ALS2: variants seen among roughly 807,000 people sequenced by gnomAD.
ALS2 encodes the protein alsin Rho guanine nucleotide exchange factor ALS2, also known as alsin.
In ALS2, 117 loss-of-function variants were observed where a neutral mutation model predicts 203.4. The observed-to-expected ratio is 0.58, with a 90% confidence interval of 0.50 to 0.67. The LOEUF is 0.67. ALS2 is among the 30% of genes least tolerant of loss of function. ALS2 has a pLI of 0.00. For synonymous variants in ALS2, 718 were observed against 725.9 expected (o/e 0.99, Z 0.17); for missense variants, 1,715 against 1,989.4 (o/e 0.86, Z 2.62).
chr2:201,746,840 T>C (rs777304487), intron 8 of ALS2, 92 bp from the exon 9 acceptor site: 75 of 1,442,768 alleles, frequency 5.2e-5, no homozygotes, highest in Non-Finnish European at 7.2e-5. Context: ...GTTGCTTAAA[T>C]AAGCGTGGTG....
At chr2:201,704,635 T>C (rs778530412) in intron 31 of ALS2, 32 bp from the exon 32 acceptor site, 2 of 1,613,536 alleles carry the variant, frequency 1.2e-6, no homozygotes, top group Non-Finnish European at 1.7e-6. Context: ...AAAGACATCC[T>C]ATAATTTTCT....
chr2:201,766,516 G>T (rs1694085422), intron 3 of ALS2, among the ~76,000 whole-genome samples: 1 of 151,702 alleles, frequency 6.6e-6, no homozygotes, highest in African/African-American at 2.4e-5. Flanking sequence ...GGGCATGGTG[G>T]TGAGCACCTG....
At chr2:201,720,059 C>T (rs958786388) in intron 23 of ALS2, 23 of 384,694 alleles carry the variant, frequency 6.0e-5, no homozygotes, top group Non-Finnish European at 1.1e-4. Flanking sequence ...AATACCAAAG[C>T]TTCGCAAACT....
Position 201,733,429 on chromosome 2 carries a change from T to C in ALS2, c.2427A>G (p.Leu809=). 3 of 1,613,554 alleles carry C rather than the reference T, an allele frequency of 1.9e-6. No individual in the cohort carries two copies. In the South Asian group the frequency reaches 3.3e-5, roughly 18 times the overall value. ...CTTGCAACAGCTCTTGGTTTTTATT[T>C]AGGAAATCACTAGAGGCAGAGGAAA... ...QLLAKPAIDF[L]NKNQELLQDL... The change falls in exon 13 of 34, where the codon CTA becomes CTG. Residue 809 remains leucine (L), a synonymous_variant. Coordinates refer to ENST00000264276, the MANE Select transcript of ALS2 (RefSeq NM_020919.4).
At chr2:201,770,665 T>C (rs1694334154) in intron 1 of ALS2, among the ~76,000 whole-genome samples, 1 of 152,098 alleles carries the variant, frequency 6.6e-6, no homozygotes, top group South Asian at 2.1e-4. Context: ...AATGTAATCA[T>C]AAACATCCTT....
At chr2:201,717,990 T>C in intron 24 of ALS2, 87 bp downstream of exon 24, 2 of 1,377,770 alleles carry the variant, frequency 1.5e-6, no homozygotes, top group Non-Finnish European at 2.0e-6. Flanking sequence ...AACTTGACTT[T>C]GCTTTTAAAA....
chr2:201,726,946 G>T, intron 17 of ALS2, 80 bp from the exon 18 acceptor site: 1 of 1,291,584 alleles, frequency 7.7e-7, no homozygotes, highest in Non-Finnish European at 1.1e-6. Flanking sequence ...GTTTTCTTTG[G>T]TGTGAATAAA....
chr2:201,765,124 A>C (rs535491652), intron 3 of ALS2, among the ~76,000 whole-genome samples: 2 of 152,228 alleles, frequency 1.3e-5, no homozygotes, highest in Non-Finnish European at 2.9e-5. Context: ...CAGCCTCTGA[A>C]GTAGCTGGGA....
rs183132014 is a variant in ALS2, at chr2:201,767,915, T to C, written c.21-532A>G. Among the ~76,000 whole-genome samples the C allele has an allele frequency of 1.8e-4, 27 of 150,118 alleles. No individual in the cohort carries two copies. In the East Asian group the frequency reaches 4.9e-3, roughly 27 times the overall value. ...TGAAGGACACTCTAAACCCACAAAT[T>C]ACTTTTCTCCATCTAAGAAGCAAAC... On this transcript the variant is annotated intron_variant, in intron 2 of 33. Transcript: ENST00000264276.
chr2:201,725,552 A>G, intron 19 of ALS2, 98 bp from the exon 20 acceptor site: 1 of 1,021,464 alleles, frequency 9.8e-7, no homozygotes. Flanking sequence ...AGGAAGACAG[A>G]GAAAACATTC....
Position 201,738,690 on chromosome 2 carries a change from C to T in ALS2, c.2397G>A (p.Gln799=), listed in dbSNP as rs1199687674. Residue 799 remains glutamine, a synonymous_variant, in exon 12 of 34, where the codon CAG becomes CAA. Coordinates refer to ENST00000264276, the MANE Select transcript of ALS2 (RefSeq NM_020919.4). The part of the protein sequence containing the change: ...ITNFLVMGGF[Q]LLAKPAIDFL... Reference sequence around the variant, plus strand: ...CTTACATGGCAGGCTTAGCAAGAAGCTGGAATCCTCCCATAACCAGGAAAT... The same window carrying T: ...CTTACATGGCAGGCTTAGCAAGAAGTTGGAATCCTCCCATAACCAGGAAAT... 1 of 1,614,096 alleles carries T rather than the reference C, an allele frequency of 6.2e-7. No homozygotes were observed. The highest frequency in any genetic ancestry group is 8.5e-7 in the Non-Finnish European group (1 of 1,179,980).
chr2:201,767,311 T>G lies in ALS2; in HGVS notation c.93A>C (p.Thr31=). The G allele has an allele frequency of 6.2e-7, 1 of 1,613,910 alleles. No individual in the cohort carries two copies. The highest frequency in any genetic ancestry group is 8.5e-7 in the Non-Finnish European group (1 of 1,179,960). The change falls in exon 3 of 34, where the codon ACA becomes ACC. Residue 31 remains threonine, a synonymous_variant. Coordinates refer to ENST00000264276, the MANE Select transcript of ALS2 (RefSeq NM_020919.4). ...HIWQAGSFPI[T]PERLPGWGGK... is the part of the protein sequence containing the mutation. ...CTCCCCAGCCTGGCAATCTCTCTGG[T>G]GTTATGGGAAAGGATCCTGCCTGCC...
intron 33 of ALS2, among the ~76,000 whole-genome samples, chr2:201,702,913 C>T (rs569837120): frequency 1.9e-4 from 29 of 152,190 alleles, no homozygotes; most frequent in Admixed American, 3.9e-4. Flanking sequence ...GTCAGGAGTT[C>T]GTGACCAGCC....
At chr2:201,733,777 A>G (rs1691716478) in intron 12 of ALS2, among the ~76,000 whole-genome samples, 1 of 152,256 alleles carries the variant, frequency 6.6e-6, no homozygotes, top group Admixed American at 6.5e-5. Context: ...GCCAAAAGTC[A>G]CAGCAATAAA....
Position 201,759,664 on chromosome 2 carries a change from T to A in ALS2, c.1113+1217A>T, listed in dbSNP as rs574341916. The A allele has an allele frequency of 9.4e-5, 93 of 984,924 alleles. No homozygotes were observed. The South Asian group carries it at 9.9e-4, about 10-fold the overall frequency. The allele number at this position is 984,924 out of a possible 1,614,324, so 61.0% of individuals were successfully genotyped here. A position where few individuals can be genotyped will look rare whatever the true frequency, so the allele number is the denominator to read the frequency against. ...CCAAACAGCTTATCCTTGATTTTTT[T>A]AAAAATTCAAATACCCACAAGTTTC... is the stretch of plus-strand genomic sequence containing the variant. On this transcript the variant is annotated intron_variant, in intron 4 of 33. Transcript: ENST00000264276.
At chr2:201,725,278 A>G in intron 20 of ALS2, 78 bp downstream of exon 20, 1 of 1,202,996 alleles carries the variant, frequency 8.3e-7, no homozygotes, top group Non-Finnish European at 1.2e-6. Flanking sequence ...AAACTTGGAA[A>G]TTTTGGCTAT....
chr2:201,711,178 T>C (rs1690008490), intron 25 of ALS2, 70 bp from the exon 26 acceptor site: 4 of 985,560 alleles, frequency 4.1e-6, no homozygotes, highest in South Asian at 2.6e-5. Context: ...AATACTCACA[T>C]GAAACACAAT....
chr2:201,726,590 T>C lies in ALS2; in HGVS notation c.3183-41A>G. 1.9e-6 allele frequency: 3 copies of C among 1,609,306 alleles called. No individual in the cohort carries two copies. The East Asian group carries it at 6.7e-5, about 36-fold the overall frequency. ...AAAGAATAATGCATGTCAACTAATA[T>C]TTCAGATAATTAATACTTTTTCTAT... On this transcript the variant is annotated intron_variant, in intron 18 of 33. Transcript: ENST00000264276.
chr2:201,756,304 T>TTA (rs531701534), intron 5 of ALS2, among the ~76,000 whole-genome samples: 1,674 of 150,808 alleles, frequency 0.011, 24 homozygotes, highest in African/African-American at 0.036. Context: ...ATCATATATA[T>TTA]TATATATATA....
Sources: allele counts gnomAD v4.1 joint callset (sites outside exome capture counted in the v4.1 genomes callset), GRCh38; gene constraint gnomAD v4.1.1; transcripts MANE v1.5; gene names NCBI Gene and HGNC (gene_info 2026-07-23, HGNC 2026-07-21).